The following GDPD5 variants were observed in gnomAD, a reference collection of about 807,000 sequenced individuals.
GDPD5 encodes the protein glycerophosphodiester phosphodiesterase 2.
A neutral mutation model predicts 75.1 loss-of-function variants in GDPD5; 48 were observed. The observed-to-expected ratio is 0.64, with a 90% CI of 0.51 to 0.81. The LOEUF (loss-of-function observed/expected upper bound fraction) is 0.81. Ranked by LOEUF, GDPD5 falls within the 40% of genes least tolerant of loss-of-function variation. The pLI is 0.00. For missense variants in GDPD5, 706 were observed against 822.6 expected (o/e 0.86, Z 1.73); for synonymous variants, 336 against 339.0 (o/e 0.99, Z 0.10).
intron 15 of GDPD5, among the ~76,000 whole-genome samples, chr11:75,439,621 G>A (rs762244648): frequency 3.3e-5 from 5 of 152,192 alleles, no homozygotes; most frequent in Non-Finnish European, 7.4e-5. Context: ...CCAGCCCGGT[G>A]AGGAGCTGAA....
rs1948948214 is a variant in GDPD5, at chr11:75,444,925, T to TTATA, written c.715-434_715-431dup. Among the ~76,000 whole-genome samples the TTATA allele has an allele frequency of 2.0e-5, 3 of 152,012 alleles. No homozygotes were observed. The South Asian group carries it at 6.2e-4, about 32-fold the overall frequency. On this transcript the variant is annotated intron_variant, in intron 9 of 16. Transcript: ENST00000336898. ...TGTGAAATTCAGGTTATACCCTTGGTTATACCAAGGGTTATACCCTGAGAC... is the reference window on the plus strand; with the variant it reads ...TGTGAAATTCAGGTTATACCCTTGGTTATATATACCAAGGGTTATACCCTGAGAC...
intron 3 of GDPD5, among the ~76,000 whole-genome samples, chr11:75,463,484 T>G (rs569856718): frequency 6.6e-6 from 1 of 152,132 alleles, no homozygotes; most frequent in Non-Finnish European, 1.5e-5. Context: ...CACTGCTGTT[T>G]CCTGAGGGGC....
intron 1 of GDPD5, among the ~76,000 whole-genome samples, chr11:75,505,908 T>C (rs1444727300): frequency 6.6e-6 from 1 of 152,142 alleles, no homozygotes; most frequent in East Asian, 1.9e-4. Flanking sequence ...CATGCCTAGG[T>C]TTCTCTCCAA....
intron 1 of GDPD5, among the ~76,000 whole-genome samples, chr11:75,518,461 G>A (rs1384340004): frequency 1.3e-5 from 2 of 152,200 alleles, no homozygotes; most frequent in African/African-American, 4.8e-5. Flanking sequence ...CACCAGGGGA[G>A]CTTCATCAAC....
chr11:75,514,286 G>T (rs1256842162), intron 1 of GDPD5, among the ~76,000 whole-genome samples: 1 of 152,346 alleles, frequency 6.6e-6, no homozygotes, highest in Non-Finnish European at 1.5e-5. Context: ...GTTGGCTAGG[G>T]TCCCAGAGGG....
intron 9 of GDPD5, among the ~76,000 whole-genome samples, chr11:75,445,442 T>TG (rs1466952502): frequency 1.3e-5 from 2 of 152,178 alleles, no homozygotes; most frequent in Non-Finnish European, 2.9e-5. Context: ...TTAGGACAGT[T>TG]GGGATTCAAG....
intron 1 of GDPD5, among the ~76,000 whole-genome samples, chr11:75,501,938 G>A (rs1592145240): frequency 6.6e-6 from 1 of 152,060 alleles, no homozygotes; most frequent in African/African-American, 2.4e-5. Context: ...TAAATGACCC[G>A]CGCCAAACAC....
intron 2 of GDPD5, among the ~76,000 whole-genome samples, chr11:75,480,575 T>G (rs1247076632): frequency 6.6e-6 from 1 of 152,194 alleles, no homozygotes; most frequent in Non-Finnish European, 1.5e-5. Flanking sequence ...GACTGCACCA[T>G]GTTACATCCC....
At chr11:75,471,911 C>A (rs1211725977) in intron 3 of GDPD5, among the ~76,000 whole-genome samples, 1 of 152,182 alleles carries the variant, frequency 6.6e-6, no homozygotes, top group African/African-American at 2.4e-5. Context: ...ATAATATCAT[C>A]TCCTAGTTTC....
chr11:75,496,750 A>G (rs1345146287), intron 1 of GDPD5, among the ~76,000 whole-genome samples: 2 of 110,310 alleles, frequency 1.8e-5, no homozygotes, highest in Non-Finnish European at 3.9e-5. Flanking sequence ...GCTGCAGACT[A>G]TTTTTCTTTT....
At chr11:75,518,806 C>T (rs576859745) in intron 1 of GDPD5, among the ~76,000 whole-genome samples, 2 of 152,290 alleles carry the variant, frequency 1.3e-5, no homozygotes, top group East Asian at 1.9e-4. Context: ...GGGGTTCCAG[C>T]TCCCTTGTCA....
intron 1 of GDPD5, among the ~76,000 whole-genome samples, chr11:75,494,691 G>A (rs753341939): frequency 7.2e-5 from 11 of 151,974 alleles, no homozygotes; most frequent in African/African-American, 1.2e-4. Flanking sequence ...GGTGGCTCAC[G>A]CTTGTAATCC....
intron 9 of GDPD5, among the ~76,000 whole-genome samples, chr11:75,447,985 A>T (rs1949031724): frequency 6.6e-6 from 1 of 152,198 alleles, no homozygotes. Context: ...AGTCTTATCG[A>T]GAAAATAATA....
intron 1 of GDPD5, among the ~76,000 whole-genome samples, chr11:75,504,697 C>A (rs1203169654): frequency 6.6e-6 from 1 of 152,134 alleles, no homozygotes; most frequent in Non-Finnish European, 1.5e-5. Context: ...GGTATAGAGT[C>A]TCAGTTTTGC....
chr11:75,520,842 A>G (rs1592173655), intron 1 of GDPD5, among the ~76,000 whole-genome samples: 1 of 152,208 alleles, frequency 6.6e-6, no homozygotes, highest in African/African-American at 2.4e-5. Context: ...GCCTGCCTCC[A>G]GTCCCGCCAA....
intron 3 of GDPD5, among the ~76,000 whole-genome samples, chr11:75,472,895 T>A (rs546310721): frequency 1.7e-4 from 26 of 150,062 alleles, no homozygotes; most frequent in Non-Finnish European, 3.1e-4. Flanking sequence ...GTGAGGAAGG[T>A]GGGGAGAGAG....
chr11:75,450,366 C>T (rs1350118623), intron 6 of GDPD5: 6 of 286,578 alleles, frequency 2.1e-5, no homozygotes, highest in Non-Finnish European at 3.3e-5. Context: ...GCCACCTCAG[C>T]ATGGCACAGC....
intron 8 of GDPD5, 100 bp downstream of exon 8, chr11:75,449,417 T>C: frequency 8.0e-7 from 1 of 1,246,550 alleles, no homozygotes; most frequent in South Asian, 1.4e-5. Context: ...CCCCACCCCA[T>C]CCCCAGGCCA....
intron 1 of GDPD5, among the ~76,000 whole-genome samples, chr11:75,496,919 T>G (rs1185590493): frequency 1.3e-5 from 2 of 151,706 alleles, no homozygotes; most frequent in Non-Finnish European, 2.9e-5. Context: ...TCTCTAGGAC[T>G]ATAGGTATGT....
Sources: allele counts gnomAD v4.1 joint callset (sites outside exome capture counted in the v4.1 genomes callset), GRCh38; gene constraint gnomAD v4.1.1; transcripts MANE v1.5; gene names NCBI Gene and HGNC (gene_info 2026-07-23, HGNC 2026-07-21).